Variants in NBAS observed in about 807,000 individuals in gnomAD.
NBAS encodes the protein NBAS subunit of NRZ tethering complex.
In NBAS, 219 loss-of-function variants were observed where a neutral mutation model predicts 302.5. That is an observed-to-expected ratio of 0.72 (90% CI 0.65 to 0.81). The LOEUF (loss-of-function observed/expected upper bound fraction) is 0.81, where lower values mean the gene tolerates loss of function less well. Ranked by LOEUF, NBAS falls within the 30% of genes least tolerant of loss-of-function variation. The probability of loss-of-function intolerance (pLI) is 0.00; values close to 1 mark genes in which losing one functional copy is unlikely to be tolerated. For missense variants in NBAS, 2,932 were observed against 2,841.6 expected, an observed-to-expected ratio of 1.03 and a Z score of -0.72; for synonymous variants, 1,118 against 1,021.6, an observed-to-expected ratio of 1.09 and a Z score of -1.80.
the NBAS span, among the ~76,000 whole-genome samples, chr2:15,069,178 G>A: frequency 2.0e-5 from 3 of 152,182 alleles, no homozygotes; most frequent in African/African-American, 7.2e-5. Flanking sequence ...CGTGACTTTT[G>A]GAGGGGACAG....
Position 15,548,257 on chromosome 2 carries a change from G to GC in NBAS, c.379+3235_379+3236insG, listed in dbSNP as rs1553336677. Among the ~76,000 whole-genome samples the GC allele has an allele frequency of 7.0e-3, 1,043 of 149,098 alleles. 10 individuals are homozygous for GC. The highest frequency in any genetic ancestry group is 0.023 in the African/African-American group (928 of 40,830). On this transcript the variant is annotated intron_variant, in intron 6 of 51. Transcript: ENST00000281513. ...ATGTGTCAGGCACCGTGCTAAGCAC[G>GC]AAAAAAAAAAGTTATATTGGGTGAG...
intron 44 of NBAS, among the ~76,000 whole-genome samples, chr2:15,240,545 A>G (rs1014758269): frequency 3.9e-5 from 6 of 151,988 alleles, no homozygotes; most frequent in South Asian, 2.1e-4. Context: ...TGAACCCGGC[A>G]GGCGGAGGCT....
chr2:15,217,947 A>G (rs534862323), intron 48 of NBAS, among the ~76,000 whole-genome samples: 1 of 152,330 alleles, frequency 6.6e-6, no homozygotes, highest in East Asian at 1.9e-4. Flanking sequence ...AGGTTCCATT[A>G]AGCTTGCAAT....
chr2:14,815,509 A>C, the NBAS span, among the ~76,000 whole-genome samples: 25 of 152,348 alleles, frequency 1.6e-4, 1 homozygote, highest in African/African-American at 5.3e-4. Context: ...TAAGATCTGA[A>C]GCTTTTGACT....
At chr2:14,834,362 G>A in the NBAS span, among the ~76,000 whole-genome samples, 892 of 152,184 alleles carry the variant, frequency 5.9e-3, 8 homozygotes, top group African/African-American at 0.019. Flanking sequence ...CTATGTTTGT[G>A]GCATTGTCTC....
the NBAS span, among the ~76,000 whole-genome samples, chr2:14,872,698 T>C: frequency 1.7e-3 from 266 of 152,302 alleles, no homozygotes; most frequent in African/African-American, 5.5e-3. Flanking sequence ...GTTCGTGGTC[T>C]CACTGGCTTC....
At chr2:15,121,901 T>C in the NBAS span, among the ~76,000 whole-genome samples, 1 of 152,218 alleles carries the variant, frequency 6.6e-6, no homozygotes, top group Admixed American at 6.5e-5. Flanking sequence ...AATTATGTTT[T>C]ACTTATCGTA....
At chr2:15,202,840 G>T (rs186550092) in intron 48 of NBAS, among the ~76,000 whole-genome samples, 210 of 152,174 alleles carry the variant, frequency 1.4e-3, no homozygotes, top group Admixed American at 3.1e-3. Context: ...ACCCGGCCAT[G>T]TGTGTTTATT....
chr2:15,218,823 C>T lies in NBAS; in HGVS notation c.6382G>A (p.Val2128Met), dbSNP rs375991089. Residue 2128 changes from valine to methionine, a missense_variant, in exon 48 of 52, where the codon GTG becomes ATG. Coordinates refer to ENST00000281513, the MANE Select transcript of NBAS (RefSeq NM_015909.4). Reference protein sequence around the residue: ...HLTEEDSKLLVFFRTEAILKA... With the variant: ...HLTEEDSKLLMFFRTEAILKA... ...AGAATGGCTTCAGTTCTAAAGAACA[C>T]GAGGAGCTTGCTGTCCTCCTCAGTC... 15 of 1,614,134 alleles carry T rather than the reference C, an allele frequency of 9.3e-6. No homozygotes were observed. Among genetic ancestry groups the T allele is most frequent in the African/African-American group, 5.3e-5 (4 of 74,942 alleles).
intron 32 of NBAS, among the ~76,000 whole-genome samples, chr2:15,359,304 G>A (rs1673781359): frequency 6.6e-6 from 1 of 152,176 alleles, no homozygotes; most frequent in African/African-American, 2.4e-5. Flanking sequence ...TTGAAACAAA[G>A]TAGATGAAGA....
Position 15,415,577 on chromosome 2 carries a change from G to A in NBAS, c.2906C>T (p.Pro969Leu), listed in dbSNP as rs766193995. The change falls in exon 25 of 52, where the codon CCC becomes CTC. Residue 969 changes from proline (P) to leucine (L), a missense_variant. By Grantham distance (98) the Pro-to-Leu change is moderately conservative (BLOSUM62 -3). Transcript: ENST00000281513. The part of the protein sequence containing the change: ...VTLAKGDLKF[P>L]LKIFQHSKPD... ...TTTGGAATGCTGAAATATCTTCAGG[G>A]GAAATTTTAAGTCCCCTTTAGCTAA... 2 of 1,614,034 alleles carry A rather than the reference G, an allele frequency of 1.2e-6. No homozygotes were observed. The highest frequency in any genetic ancestry group is 8.5e-7 in the Non-Finnish European group (1 of 1,179,974).
At chr2:15,070,004 C>A in the NBAS span, among the ~76,000 whole-genome samples, 1 of 149,880 alleles carries the variant, frequency 6.7e-6, no homozygotes, top group African/African-American at 2.5e-5. Flanking sequence ...AACCCCCCCA[C>A]CATGAGAATG....
rs144646433 is a variant in NBAS at position 15,367,177 on chromosome 2, C to A, written c.3704-484G>T. 5.2e-3 allele frequency among the ~76,000 whole-genome samples: 785 copies of A among 152,228 alleles called. 3 individuals carry two copies. Among genetic ancestry groups the A allele is most frequent in the Admixed American group, 0.012 (183 of 15,286 alleles). On this transcript the variant is annotated intron_variant, in intron 31 of 51. Coordinates refer to ENST00000281513, the MANE Select transcript of NBAS (RefSeq NM_015909.4). ...AGTGCTCACTGTTGCAATTTATTAA[C>A]CTTCCTCCAAACATAAGCCCAATTT...
chr2:15,360,396 A>G (rs956749266), intron 32 of NBAS, among the ~76,000 whole-genome samples: 2 of 151,234 alleles, frequency 1.3e-5, no homozygotes, highest in African/African-American at 4.9e-5. Flanking sequence ...GTGTAATGGC[A>G]TGATCAATAT....
intron 35 of NBAS, among the ~76,000 whole-genome samples, chr2:15,349,710 T>C (rs981474317): frequency 3.3e-5 from 5 of 151,928 alleles, no homozygotes; most frequent in Non-Finnish European, 7.3e-5. Context: ...TCCCAGCACT[T>C]TGGGAGGCCA....
chr2:15,404,752 A>G (rs1676328262), intron 25 of NBAS, among the ~76,000 whole-genome samples: 1 of 151,972 alleles, frequency 6.6e-6, no homozygotes, highest in Non-Finnish European at 1.5e-5. Flanking sequence ...ACCTAAGGTG[A>G]TTCACCCACC....
chr2:15,086,348 C>A, the NBAS span, among the ~76,000 whole-genome samples: 1 of 152,156 alleles, frequency 6.6e-6, no homozygotes, highest in African/African-American at 2.4e-5. Flanking sequence ...CCCTATTGGT[C>A]CCCTCTATCA....
chr2:15,540,109 C>T (rs754186960), intron 6 of NBAS, among the ~76,000 whole-genome samples: 5 of 152,064 alleles, frequency 3.3e-5, no homozygotes, highest in Non-Finnish European at 7.4e-5. Flanking sequence ...TTTATTGTTT[C>T]GTTTGCTTCG....
chr2:14,907,884 T>A, the NBAS span, among the ~76,000 whole-genome samples: 1 of 152,206 alleles, frequency 6.6e-6, no homozygotes, highest in Non-Finnish European at 1.5e-5. Context: ...CACTTATCTA[T>A]GAAACAGGAG....
Sources: gnomAD v4.1 joint callset for allele counts (sites outside exome capture counted in the v4.1 genomes callset) on GRCh38, gnomAD v4.1.1 for gene constraint, MANE v1.5 for transcripts, NCBI Gene and HGNC (gene_info 2026-07-23, HGNC 2026-07-21) for gene names.